The following ADARB2 variants were observed in gnomAD, a reference collection of about 807,000 sequenced individuals.
ADARB2 encodes the protein adenosine deaminase RNA specific B2 (inactive).
ADARB2 carries 25 observed loss-of-function variants against 62.2 expected under a neutral mutation model. The ratio of observed to expected loss-of-function variants is 0.40; its 90% CI spans 0.29 to 0.56. ADARB2 has a LOEUF of 0.56. Among genes scored for constraint, ADARB2 ranks in the 20% least tolerant of loss-of-function variants. The pLI is 0.43. For synonymous variants in ADARB2, 572 were observed against 500.8 expected (o/e 1.14, Z -1.90); for missense variants, 1,071 against 1,077.4 (o/e 0.99, Z 0.08).
intron 1 of ADARB2, among the ~76,000 whole-genome samples, chr10:1,586,398 G>A (rs1018816059): frequency 1.3e-5 from 2 of 152,318 alleles, no homozygotes; most frequent in African/African-American, 2.4e-5. Context: ...GCACCTGAGA[G>A]CAGCTGGCGG....
intron 3 of ADARB2, among the ~76,000 whole-genome samples, chr10:1,306,774 G>A (rs1429879240): frequency 6.0e-5 from 9 of 149,350 alleles, no homozygotes; most frequent in East Asian, 4.1e-4. Context: ...CAGAAATAAC[G>A]CCGCATATCT....
intron 1 of ADARB2, among the ~76,000 whole-genome samples, chr10:1,457,338 G>T (rs1431285656): frequency 6.6e-6 from 1 of 152,154 alleles, no homozygotes; most frequent in Non-Finnish European, 1.5e-5. Context: ...TTCCAGGAGG[G>T]TTCCGAGTTC....
At chr10:1,289,540 C>G (rs1162363477) in intron 3 of ADARB2, among the ~76,000 whole-genome samples, 1 of 152,264 alleles carries the variant, frequency 6.6e-6, no homozygotes, top group Non-Finnish European at 1.5e-5. Context: ...TCTGCCACGG[C>G]TGCTGGGTGG....
At chr10:1,186,235 C>T (rs1373030739) in intron 8 of ADARB2, among the ~76,000 whole-genome samples, 1 of 152,226 alleles carries the variant, frequency 6.6e-6, no homozygotes. Flanking sequence ...CCACTTCTTC[C>T]CATGCCCAGG....
In ADARB2 at chr10:1,422,150, T is replaced by C. The variant is rs531602961; in HGVS notation, c.101-42990A>G. ...ACTTCCACGAGTTTTTAAGCCAAGG[T>C]TGGCAAGAGGAATAGAACGGGGACG... On this transcript the variant is annotated intron_variant, in intron 1 of 9. Coordinates refer to ENST00000381312, the MANE Select transcript of ADARB2 (RefSeq NM_018702.4). Among the ~76,000 whole-genome samples the C allele has an allele frequency of 5.3e-5, 8 of 152,298 alleles. No individual in the cohort carries two copies. The East Asian group carries it at 1.4e-3, about 26-fold the overall frequency.
intron 1 of ADARB2, among the ~76,000 whole-genome samples, chr10:1,721,813 T>G (rs61832027): frequency 0.23 from 34,895 of 151,966 alleles, 4,467 homozygotes; most frequent in Admixed American, 0.32. Context: ...CCTTGGTCAG[T>G]GCTCCTGGGG....
At chr10:1,589,503 C>T (rs777571925) in intron 1 of ADARB2, among the ~76,000 whole-genome samples, 1 of 151,360 alleles carries the variant, frequency 6.6e-6, no homozygotes, top group Non-Finnish European at 1.5e-5. Context: ...AGGACATCCA[C>T]GGTCGGGGCG....
At chr10:1,274,080 A>G (rs148503267) in intron 3 of ADARB2, among the ~76,000 whole-genome samples, 1 of 152,256 alleles carries the variant, frequency 6.6e-6, no homozygotes, top group African/African-American at 2.4e-5. Flanking sequence ...TGTCTGAGAT[A>G]AACCTTGAAG....
chr10:1,681,695 T>C (rs6560759), intron 1 of ADARB2, among the ~76,000 whole-genome samples: 142,792 of 152,240 alleles, frequency 0.94, 67,184 homozygotes, highest in Middle Eastern at 0.98. Flanking sequence ...TCAGAGACCC[T>C]GTGGCTGCAC....
intron 6 of ADARB2, among the ~76,000 whole-genome samples, chr10:1,221,226 G>A (rs549526076): frequency 7.9e-5 from 12 of 152,194 alleles, no homozygotes; most frequent in Admixed American, 7.2e-4. Flanking sequence ...ACTCCTGACT[G>A]CTGTGTCTAC....
At chr10:1,643,818 A>C (rs1211424438) in intron 1 of ADARB2, among the ~76,000 whole-genome samples, 1 of 152,112 alleles carries the variant, frequency 6.6e-6, no homozygotes, top group Non-Finnish European at 1.5e-5. Flanking sequence ...CCAGATCTCT[A>C]ATTCCAATCC....
intron 3 of ADARB2, among the ~76,000 whole-genome samples, chr10:1,271,718 G>A: frequency 6.6e-6 from 1 of 152,202 alleles, no homozygotes; most frequent in East Asian, 1.9e-4. Context: ...GTGACTCCTG[G>A]TCTCTGGGAA....
intron 1 of ADARB2, among the ~76,000 whole-genome samples, chr10:1,581,539 G>C (rs10903496): frequency 6.6e-6 from 1 of 152,046 alleles, no homozygotes; most frequent in African/African-American, 2.4e-5. Context: ...GAGCCTGTAC[G>C]TAAACCTGTA....
intron 4 of ADARB2, among the ~76,000 whole-genome samples, chr10:1,263,047 T>C (rs11250366): frequency 0.37 from 54,924 of 147,478 alleles, 10,228 homozygotes; most frequent in South Asian, 0.52. Context: ...AACCAAACAC[T>C]GCATGTTCTC....
intron 3 of ADARB2, among the ~76,000 whole-genome samples, chr10:1,318,469 T>C (rs1044936758): frequency 1.3e-5 from 2 of 152,186 alleles, no homozygotes; most frequent in African/African-American, 4.8e-5. Context: ...GCAGTACCAT[T>C]TGCACTCCTG....
intron 1 of ADARB2, among the ~76,000 whole-genome samples, chr10:1,450,247 C>T (rs1831020054): frequency 6.6e-6 from 1 of 152,236 alleles, no homozygotes; most frequent in Non-Finnish European, 1.5e-5. Context: ...ATGAGGACAA[C>T]TCATCTTATT....
At chr10:1,349,122 A>G (rs1372956764) in intron 3 of ADARB2, among the ~76,000 whole-genome samples, 1 of 152,086 alleles carries the variant, frequency 6.6e-6, no homozygotes, top group African/African-American at 2.4e-5. Context: ...ACCACAAAAG[A>G]AGTGAAAATG....
At chr10:1,209,141 C>T (rs999406720) in intron 7 of ADARB2, among the ~76,000 whole-genome samples, 13 of 152,246 alleles carry the variant, frequency 8.5e-5, no homozygotes, top group South Asian at 2.1e-4. Context: ...TGGAGACAAA[C>T]GACTCGTTCA....
intron 4 of ADARB2, among the ~76,000 whole-genome samples, chr10:1,266,226 G>A (rs1831198538): frequency 6.6e-6 from 1 of 152,228 alleles, no homozygotes; most frequent in African/African-American, 2.4e-5. Context: ...CTTCCCAGTG[G>A]AAGAGAGAGC....
Sources: allele counts gnomAD v4.1 joint callset (sites outside exome capture counted in the v4.1 genomes callset), GRCh38; gene constraint gnomAD v4.1.1; transcripts MANE v1.5; gene names NCBI Gene and HGNC (gene_info 2026-07-23, HGNC 2026-07-21).